Variants in MBTPS2 observed in about 807,000 individuals in gnomAD.
MBTPS2 encodes the protein membrane-bound transcription factor site-2 protease.
In MBTPS2, 2 loss-of-function variants were observed where a neutral mutation model predicts 35.4. The observed-to-expected ratio is 0.06, with a 90% CI of 0.02 to 0.18. The LOEUF (loss-of-function observed/expected upper bound fraction) is 0.18, where lower values mean the gene tolerates loss of function less well. Among genes scored for constraint, MBTPS2 ranks in the 10% least tolerant of loss-of-function variants. MBTPS2 has a pLI of 1.00. For synonymous variants in MBTPS2, 125 were observed against 140.4 expected (o/e 0.89, Z 0.77); for missense variants, 244 against 386.5 (o/e 0.63, Z 3.09).
chrX:21,858,459 T>C (rs1035151843), intron 5 of MBTPS2: 1 of 123,231 alleles, frequency 8.1e-6, no homozygotes, highest in Non-Finnish European at 1.9e-5. Flanking sequence ...GTAGTTTGCC[T>C]ATATCAGTAC....
chrX:21,877,396 C>T (rs899373816), intron 7 of MBTPS2, among the ~76,000 whole-genome samples: 2 of 111,887 alleles, frequency 1.8e-5, no homozygotes, highest in East Asian at 2.8e-4. Context: ...GAGCAGAGAT[C>T]GTGCCACTGT....
At chrX:21,864,409 G>GT (rs762260712) in intron 5 of MBTPS2, among the ~76,000 whole-genome samples, 8 of 110,937 alleles carry the variant, frequency 7.2e-5, no homozygotes, top group Non-Finnish European at 1.5e-4. Context: ...AATTTTTTAT[G>GT]TTTTTTTAGA....
chrX:21,859,966 C>T (rs1458509635), intron 5 of MBTPS2, among the ~76,000 whole-genome samples: 2 of 110,264 alleles, frequency 1.8e-5, no homozygotes, highest in East Asian at 2.8e-4. Flanking sequence ...GGGGCGCACA[C>T]CTGTGGTCCT....
chrX:21,867,886 G>A (rs1436408853), intron 5 of MBTPS2, among the ~76,000 whole-genome samples: 8 of 109,572 alleles, frequency 7.3e-5, no homozygotes, highest in Admixed American at 9.7e-5. Context: ...TGATCCGCCC[G>A]CCCTGGCCTC....
chrX:21,878,662 G>A lies in MBTPS2; in HGVS notation c.1231G>A (p.Val411Ile), dbSNP rs1247367105. The A allele has an allele frequency of 1.2e-5, 15 of 1,204,654 alleles. No individual in the cohort carries two copies. The highest frequency in any genetic ancestry group is 1.8e-5 in the South Asian group (1 of 56,592). Reference protein sequence around the residue: ...KHPPQIDMLYVGHPLHLHYTV... With the variant: ...KHPPQIDMLYIGHPLHLHYTV... ...CCCACCTCAGATTGATATGTTATAC[G>A]TAGGACATCCTCTGCATCTTCACTA... is the stretch of plus-strand genomic sequence containing the variant. The change falls in exon 9 of 11, where the codon GTA becomes ATA. Residue 411 changes from valine to isoleucine, a missense_variant. Transcript: ENST00000379484.
intron 5 of MBTPS2, among the ~76,000 whole-genome samples, chrX:21,862,018 ACT>A (rs1453276975): frequency 9.0e-6 from 1 of 111,437 alleles, no homozygotes; most frequent in African/African-American, 3.3e-5. Context: ...TGATCGGATA[ACT>A]CTGTAATTTG....
At chrX:21,858,905 A>G (rs188027558) in intron 5 of MBTPS2, among the ~76,000 whole-genome samples, 96 of 101,499 alleles carry the variant, frequency 9.5e-4, no homozygotes, top group East Asian at 4.4e-3. Flanking sequence ...AAAAAAAAAA[A>G]AGAGAAAAAG....
At chrX:21,842,351 T>C (rs1490205989) in intron 1 of MBTPS2, among the ~76,000 whole-genome samples, 1 of 111,631 alleles carries the variant, frequency 9.0e-6, no homozygotes, top group Non-Finnish European at 1.9e-5. Flanking sequence ...ATGATCGAGG[T>C]TGGCCTAACT....
intron 7 of MBTPS2, among the ~76,000 whole-genome samples, chrX:21,874,834 G>A (rs1422953623): frequency 1.8e-5 from 2 of 111,986 alleles, no homozygotes; most frequent in Non-Finnish European, 3.8e-5. Context: ...TTGGCCTCTC[G>A]TAATTAATAA....
At chrX:21,855,436 G>A (rs73635554) in intron 5 of MBTPS2, among the ~76,000 whole-genome samples, 2,097 of 109,476 alleles carry the variant, frequency 0.019, 61 homozygotes, top group African/African-American at 0.066. Context: ...GATAAAGAAC[G>A]CCCTTTTTCT....
intron 5 of MBTPS2, chrX:21,858,733 T>C (rs2092927188): frequency 8.5e-6 from 1 of 117,329 alleles, no homozygotes; most frequent in South Asian, 4.1e-4. Context: ...CTACCAAAAA[T>C]AAAAAAATTA....
At chrX:21,855,802 T>C (rs994922896) in intron 5 of MBTPS2, among the ~76,000 whole-genome samples, 9 of 103,815 alleles carry the variant, frequency 8.7e-5, no homozygotes, top group Admixed American at 5.2e-4. Context: ...TGAGCCGAGA[T>C]CGCGCGCCAC....
At chrX:21,869,364 T>C (rs1405618523) in intron 6 of MBTPS2, 134 bp from the exon 7 acceptor site, 2 of 543,866 alleles carry the variant, frequency 3.7e-6, no homozygotes, top group East Asian at 6.7e-5. Context: ...TAGGACTATG[T>C]CTTGAATTCA....
chrX:21,879,949 C>CTTTTTTTTTTTGTTTTTTTTTT (rs2092957305), intron 9 of MBTPS2, among the ~76,000 whole-genome samples: 1 of 47,425 alleles, frequency 2.1e-5, no homozygotes, highest in African/African-American at 1.3e-4. Flanking sequence ...TTATGTTATT[C>CTTTTTTTTTTTGTTTTTTTTTT]TTTTTTTTTT....
intron 5 of MBTPS2, among the ~76,000 whole-genome samples, chrX:21,859,695 G>C (rs1259998684): frequency 6.7e-4 from 75 of 112,061 alleles, no homozygotes; most frequent in Non-Finnish European, 1.2e-3. Flanking sequence ...TAAAGAAAAA[G>C]GGGAGGGTGC....
Position 21,843,268 on chromosome X carries a change from T to C in MBTPS2, c.174T>C (p.Asn58=), listed in dbSNP as rs1409614106. Residue 58 remains asparagine (N), a synonymous_variant, in exon 2 of 11, where the codon AAT becomes AAC. Transcript: ENST00000379484. ...FHIRWQTAVF[N]RAFYSWGRRK... Reference sequence around the variant, plus strand: ...TAAGATGGCAAACTGCTGTTTTCAATCGTGCCTTTTACAGTTGGGGACGGC... The same window carrying C: ...TAAGATGGCAAACTGCTGTTTTCAACCGTGCCTTTTACAGTTGGGGACGGC... 1.7e-6 allele frequency: 2 copies of C among 1,211,452 alleles called. No homozygotes were observed. Among genetic ancestry groups the C allele is most frequent in the Non-Finnish European group, 2.2e-6 (2 of 895,075 alleles).
In MBTPS2 at chrX:21,869,638, A is replaced by T. The variant is rs1397736105; in HGVS notation, c.930A>T (p.Ile310=). Residue 310 remains isoleucine, a synonymous_variant, in exon 7 of 11, where the codon ATA becomes ATT. Transcript: ENST00000379484. ...IAYEPQIGYC[I]SASTLQQLSF... ...ATGAGCCCCAAATTGGTTACTGTAT[A>T]AGTGCATCAACTTTACAGCAGTTAA... The T allele has an allele frequency of 4.1e-6, 5 of 1,208,690 alleles. No individual in the cohort carries two copies. The Admixed American group carries it at 1.1e-4, about 26-fold the overall frequency.
chrX:21,848,466 C>T (rs2092910975), intron 3 of MBTPS2, among the ~76,000 whole-genome samples: 3 of 109,220 alleles, frequency 2.7e-5, no homozygotes, highest in Non-Finnish European at 3.8e-5. Context: ...AGATCGAGAC[C>T]ATCCTGGCTA....
At chrX:21,875,226 C>T (rs1376704555) in intron 7 of MBTPS2, among the ~76,000 whole-genome samples, 1 of 111,935 alleles carries the variant, frequency 8.9e-6, no homozygotes, top group African/African-American at 3.2e-5. Context: ...TTGGCTTGCC[C>T]AGTGTTTTTA....
Sources: gnomAD v4.1 joint callset for allele counts (sites outside exome capture counted in the v4.1 genomes callset) on GRCh38, gnomAD v4.1.1 for gene constraint, MANE v1.5 for transcripts, NCBI Gene and HGNC (gene_info 2026-07-23, HGNC 2026-07-21) for gene names.